EYS: variants seen among roughly 807,000 people sequenced by gnomAD.
The protein encoded by EYS is protein eyes shut homolog.
EYS carries 250 observed loss-of-function variants against 282.1 expected under a neutral mutation model. The ratio of observed to expected loss-of-function variants is 0.89; its 90% CI spans 0.80 to 0.98. The LOEUF is 0.98. Among genes scored for constraint, EYS ranks in the 50% least tolerant of loss-of-function variants. EYS has a pLI of 0.00. For synonymous variants in EYS, 1,355 were observed against 1,282.9 expected (o/e 1.06, Z -1.20); for missense variants, 4,016 against 3,709.0 (o/e 1.08, Z -2.15).
At chr6:65,561,784 A>G (rs1213545539) in intron 2 of EYS, among the ~76,000 whole-genome samples, 2 of 151,952 alleles carry the variant, frequency 1.3e-5, no homozygotes, top group African/African-American at 2.4e-5. Flanking sequence ...CTCTACTTCT[A>G]TTACAAATCT....
At chr6:64,923,074 T>C (rs1768401336) in intron 15 of EYS, among the ~76,000 whole-genome samples, 1 of 152,088 alleles carries the variant, frequency 6.6e-6, no homozygotes, top group African/African-American at 2.4e-5. Context: ...TAAGGCCATT[T>C]GGCTTTGCTT....
chr6:64,317,938 A>G (rs1448473822), intron 29 of EYS, among the ~76,000 whole-genome samples: 5 of 152,112 alleles, frequency 3.3e-5, no homozygotes, highest in Non-Finnish European at 7.4e-5. Context: ...ACAGAAAACC[A>G]AACACTGTAT....
intron 24 of EYS, among the ~76,000 whole-genome samples, chr6:64,604,041 T>C (rs1766845628): frequency 6.6e-6 from 1 of 151,982 alleles, no homozygotes; most frequent in Non-Finnish European, 1.5e-5. Context: ...ATTATTTCTC[T>C]CTTTTTTTAT....
chr6:65,488,209 C>T (rs531670635), intron 5 of EYS, among the ~76,000 whole-genome samples: 4 of 152,158 alleles, frequency 2.6e-5, no homozygotes, highest in East Asian at 1.9e-4. Context: ...TTCTTGTCTT[C>T]TGCTAGCTTT....
intron 22 of EYS, among the ~76,000 whole-genome samples, chr6:64,773,476 T>C (rs921410816): frequency 5.9e-5 from 9 of 151,844 alleles, no homozygotes; most frequent in African/African-American, 1.9e-4. Flanking sequence ...CGATTTATAG[T>C]CTTTTGGATA....
chr6:64,594,426 T>A (rs62415829), intron 24 of EYS, among the ~76,000 whole-genome samples: 15,349 of 152,046 alleles, frequency 0.1, 921 homozygotes, highest in East Asian at 0.17. Context: ...CAAATGGTAT[T>A]TCTAGTTCGC....
At chr6:64,241,460 T>C (rs151277655) in intron 30 of EYS, among the ~76,000 whole-genome samples, 5,547 of 152,230 alleles carry the variant, frequency 0.036, 318 homozygotes, top group African/African-American at 0.13. Context: ...CCTAGTTTAG[T>C]CTTGGGAGGG....
chr6:64,040,583 C>A (rs117758696), intron 33 of EYS, among the ~76,000 whole-genome samples: 1 of 152,004 alleles, frequency 6.6e-6, no homozygotes, highest in African/African-American at 2.4e-5. Context: ...TTTAATATGG[C>A]GCACAACTAA....
intron 37 of EYS, among the ~76,000 whole-genome samples, chr6:63,798,985 G>GTATATA (rs1211498823): frequency 0.041 from 3,547 of 86,804 alleles, 67 homozygotes; most frequent in Admixed American, 0.073. Context: ...ATGTATATGT[G>GTATATA]TGTATATATA....
At chr6:65,443,713 C>A (rs1768533456) in intron 5 of EYS, among the ~76,000 whole-genome samples, 1 of 54,524 alleles carries the variant, frequency 1.8e-5, no homozygotes, top group Non-Finnish European at 4.3e-5. Context: ...TGTGCATATA[C>A]ACATATATAC....
At chr6:65,639,245 AAGG>A (rs771394230) in intron 2 of EYS, among the ~76,000 whole-genome samples, 1 of 152,136 alleles carries the variant, frequency 6.6e-6, no homozygotes, top group Non-Finnish European at 1.5e-5. Flanking sequence ...TTGTCAGTGG[AAGG>A]AGGAGTAGAG....
chr6:64,653,250 G>A (rs1395316175), intron 22 of EYS, among the ~76,000 whole-genome samples: 1 of 152,026 alleles, frequency 6.6e-6, no homozygotes, highest in East Asian at 1.9e-4. Flanking sequence ...ACAGTTCCCA[G>A]CAAAAAATCA....
intron 30 of EYS, among the ~76,000 whole-genome samples, chr6:64,270,310 A>G (rs1767900726): frequency 6.6e-6 from 1 of 151,970 alleles, no homozygotes; most frequent in Non-Finnish European, 1.5e-5. Context: ...ATATACTTAT[A>G]TACTCAACTT....
chr6:64,687,602 T>A (rs1446555194), intron 22 of EYS, among the ~76,000 whole-genome samples: 1 of 152,358 alleles, frequency 6.6e-6, no homozygotes, highest in South Asian at 2.1e-4. Context: ...CTTTTTGATA[T>A]GCGGCTGGAT....
intron 31 of EYS, among the ~76,000 whole-genome samples, chr6:64,119,886 TA>T (rs2150272948): frequency 6.6e-6 from 1 of 152,322 alleles, no homozygotes; most frequent in South Asian, 2.1e-4. Flanking sequence ...TTTGGATCCT[TA>T]AAAAATCAGT....
At chr6:64,170,525 C>G (rs1433241147) in intron 31 of EYS, among the ~76,000 whole-genome samples, 1 of 151,852 alleles carries the variant, frequency 6.6e-6, no homozygotes, top group Non-Finnish European at 1.5e-5. Context: ...AATCTCTTAT[C>G]TCTTACACTT....
chr6:65,341,564 G>A (rs927860016), intron 10 of EYS, among the ~76,000 whole-genome samples: 4 of 151,198 alleles, frequency 2.6e-5, no homozygotes, highest in Non-Finnish European at 5.9e-5. Context: ...AGAGATTACT[G>A]TGTATTATAC....
intron 2 of EYS, among the ~76,000 whole-genome samples, chr6:65,503,048 T>C (rs1174280655): frequency 1.3e-5 from 2 of 151,674 alleles, no homozygotes; most frequent in Admixed American, 1.3e-4. Context: ...ATTAAACTGT[T>C]TTCCAAAGTG....
chr6:65,364,998 A>G (rs10944790), intron 8 of EYS, among the ~76,000 whole-genome samples: 102,593 of 151,312 alleles, frequency 0.68, 35,035 homozygotes, highest in South Asian at 0.71. Context: ...GGTCATCTGC[A>G]TACTGTCAAA....
Sources: gnomAD v4.1 joint callset for allele counts (sites outside exome capture counted in the v4.1 genomes callset) on GRCh38, gnomAD v4.1.1 for gene constraint, MANE v1.5 for transcripts, NCBI Gene and HGNC (gene_info 2026-07-23, HGNC 2026-07-21) for gene names.